CSMD3: variants seen among roughly 807,000 people sequenced by gnomAD.
CSMD3 encodes the protein CUB and sushi domain-containing protein 3.
Under a neutral mutation model 435.2 loss-of-function variants are expected in CSMD3, and 177 were observed. That is an observed-to-expected ratio of 0.41 (90% CI 0.36 to 0.46). The LOEUF (loss-of-function observed/expected upper bound fraction) is 0.46. Ranked by LOEUF, CSMD3 falls within the 20% of genes least tolerant of loss-of-function variation. CSMD3 has a pLI of 0.34. For synonymous variants in CSMD3, 1,656 were observed against 1,520.5 expected, an observed-to-expected ratio of 1.09 and a Z score of -2.07; for missense variants, 4,265 against 4,504.6, an observed-to-expected ratio of 0.95 and a Z score of 1.52.
chr8:112,798,555 A>C (rs952047718), intron 13 of CSMD3, among the ~76,000 whole-genome samples: 1 of 151,838 alleles, frequency 6.6e-6, no homozygotes, highest in South Asian at 2.1e-4. Context: ...GAATTGTTTA[A>C]TTACTATTGT....
At chr8:112,991,033 GA>G (rs1239046782) in intron 6 of CSMD3, among the ~76,000 whole-genome samples, 1 of 151,624 alleles carries the variant, frequency 6.6e-6, no homozygotes, top group African/African-American at 2.4e-5. Flanking sequence ...AAAAACAGAA[GA>G]AATTTTAACC....
In CSMD3 at chr8:112,656,388, T is replaced by C. The variant is rs1488965506; in HGVS notation, c.2817-47A>G. The C allele has an allele frequency of 4.3e-6, 6 of 1,400,562 alleles. No individual in the cohort carries two copies. The Admixed American group carries it at 8.7e-5, about 20-fold the overall frequency. The allele number at this position is 1,400,562 out of a possible 1,614,324, so 86.8% of individuals were successfully genotyped here. ...GAAAATATATTTAGAATTAACACTA[T>C]ATATGGAAATAATGCTTTGGACTGC... On this transcript the variant is annotated intron_variant, in intron 17 of 70. Coordinates refer to ENST00000297405, the MANE Select transcript of CSMD3 (RefSeq NM_198123.2).
At chr8:112,524,926 T>C (rs1287159424) in intron 27 of CSMD3, among the ~76,000 whole-genome samples, 1 of 152,036 alleles carries the variant, frequency 6.6e-6, no homozygotes, top group Non-Finnish European at 1.5e-5. Context: ...AATGCCCTTT[T>C]TACTATTTTT....
intron 18 of CSMD3, among the ~76,000 whole-genome samples, chr8:112,652,734 T>A (rs1290086615): frequency 2.6e-5 from 4 of 152,118 alleles, no homozygotes; most frequent in Non-Finnish European, 5.9e-5. Context: ...ATGAGAAACA[T>A]CATGAGGAAC....
intron 13 of CSMD3, among the ~76,000 whole-genome samples, chr8:112,768,144 T>A (rs1041789276): frequency 6.6e-6 from 1 of 151,406 alleles, no homozygotes; most frequent in East Asian, 1.9e-4. Flanking sequence ...CAAAGCCACA[T>A]AAATATGCAT....
At chr8:112,559,999 A>G (rs561686315) in intron 24 of CSMD3, among the ~76,000 whole-genome samples, 23 of 151,840 alleles carry the variant, frequency 1.5e-4, no homozygotes, top group Admixed American at 2.6e-4. Flanking sequence ...AGAGATCTAC[A>G]TAACTTTTAT....
chr8:112,779,704 T>G (rs908036201), intron 13 of CSMD3, among the ~76,000 whole-genome samples: 1 of 152,100 alleles, frequency 6.6e-6, no homozygotes, highest in African/African-American at 2.4e-5. Flanking sequence ...TTGCATGTAG[T>G]CAGATCAGCC....
At chr8:112,285,710 C>A (rs1819121087) in intron 58 of CSMD3, among the ~76,000 whole-genome samples, 1 of 151,862 alleles carries the variant, frequency 6.6e-6, no homozygotes, top group South Asian at 2.1e-4. Flanking sequence ...AAATATTTTT[C>A]TTTTTCCTTT....
At chr8:113,096,322 C>A (rs187748127) in intron 5 of CSMD3, among the ~76,000 whole-genome samples, 10 of 152,226 alleles carry the variant, frequency 6.6e-5, no homozygotes, top group Admixed American at 2.6e-4. Flanking sequence ...GTCAAATAAT[C>A]TGGGATCTGT....
chr8:112,229,904 A>G (rs932633802), intron 69 of CSMD3, among the ~76,000 whole-genome samples: 79 of 146,956 alleles, frequency 5.4e-4, no homozygotes, highest in Non-Finnish European at 9.3e-4. Flanking sequence ...AAAAAAAAAA[A>G]GGAATTAAAA....
At chr8:112,451,557 A>C (rs1816275591) in intron 32 of CSMD3, among the ~76,000 whole-genome samples, 1 of 149,048 alleles carries the variant, frequency 6.7e-6, no homozygotes, top group Non-Finnish European at 1.5e-5. Context: ...TTTTTTTTTG[A>C]GACAGAGTTT....
chr8:112,497,541 G>A (rs1350342471), intron 30 of CSMD3, among the ~76,000 whole-genome samples: 1 of 149,424 alleles, frequency 6.7e-6, no homozygotes, highest in Non-Finnish European at 1.5e-5. Flanking sequence ...ATTTTAAAAA[G>A]GAAAAAGACC....
intron 23 of CSMD3, among the ~76,000 whole-genome samples, chr8:112,575,752 T>A (rs1490212947): frequency 6.6e-6 from 1 of 152,162 alleles, no homozygotes; most frequent in Non-Finnish European, 1.5e-5. Flanking sequence ...GTCATTGGGA[T>A]AATGCAGAGG....
intron 30 of CSMD3, among the ~76,000 whole-genome samples, chr8:112,498,725 T>C (rs528451191): frequency 6.6e-6 from 1 of 152,260 alleles, no homozygotes; most frequent in South Asian, 2.1e-4. Context: ...TTCTTTCTTC[T>C]TTCTTTCTTT....
In CSMD3 at chr8:112,573,588, T is replaced by G; in HGVS notation, c.3955A>C (p.Thr1319Pro). 1 of 1,613,328 alleles carries G rather than the reference T, an allele frequency of 6.2e-7. No homozygotes were observed. Among genetic ancestry groups the G allele is most frequent in the Non-Finnish European group, 8.5e-7 (1 of 1,179,408 alleles). Residue 1319 changes from threonine to proline, a missense_variant, in exon 24 of 71, where the codon ACA becomes CCA. Physicochemically the swap from Thr to Pro is conservative, Grantham distance 38 (BLOSUM62 -1). Around this residue, in one of 3 missense-constraint regions of CSMD3, gnomAD observed 3,255 missense variants for 3,380.2 expected, o/e 0.96. Transcript: ENST00000297405. Reference sequence around the variant, plus strand: ...AGTTGATTTGAAGTACTACTAAGTGTCAGTCCGCGCATAGATGCACCAGTA... The same window carrying G: ...AGTTGATTTGAAGTACTACTAAGTGGCAGTCCGCGCATAGATGCACCAGTA... Reference protein sequence around the residue: ...AFTGASMRGLTLSSTSNQLWL... With the variant: ...AFTGASMRGLPLSSTSNQLWL...
intron 13 of CSMD3, among the ~76,000 whole-genome samples, chr8:112,706,168 C>T (rs72678472): frequency 0.019 from 2,857 of 152,030 alleles, 52 homozygotes; most frequent in Middle Eastern, 0.1. Flanking sequence ...GCTTCATTAT[C>T]AATTTTTCAG....
At chr8:112,610,587 TA>T (rs1211804018) in intron 22 of CSMD3, among the ~76,000 whole-genome samples, 3 of 152,228 alleles carry the variant, frequency 2.0e-5, no homozygotes, top group African/African-American at 7.2e-5. Context: ...ATGATCGTAT[TA>T]ACCAATAAAT....
At chr8:112,994,921 G>C (rs545182610) in intron 6 of CSMD3, among the ~76,000 whole-genome samples, 1 of 151,504 alleles carries the variant, frequency 6.6e-6, no homozygotes, top group African/African-American at 2.4e-5. Context: ...TATTTGAAAA[G>C]ACAAAATGGT....
chr8:112,576,537 T>C (rs1007050345), intron 23 of CSMD3, among the ~76,000 whole-genome samples: 15 of 152,134 alleles, frequency 9.9e-5, no homozygotes, highest in African/African-American at 3.6e-4. Flanking sequence ...TTTTCTTTTT[T>C]ATTTATTCAT....
Sources: allele counts gnomAD v4.1 joint callset (sites outside exome capture counted in the v4.1 genomes callset), GRCh38; gene constraint gnomAD v4.1.1; regional missense constraint gnomAD v4.1.1; transcripts MANE v1.5; gene names NCBI Gene and HGNC (gene_info 2026-07-23, HGNC 2026-07-21).